The following LAMA2 variants were observed in gnomAD, a reference collection of about 807,000 sequenced individuals.
LAMA2 encodes the protein laminin subunit alpha-2.
LAMA2 carries 269 observed loss-of-function variants against 364.8 expected under a neutral mutation model. The ratio of observed to expected loss-of-function variants is 0.74; its 90% CI spans 0.67 to 0.82. The LOEUF (loss-of-function observed/expected upper bound fraction) is 0.82. LAMA2 is among the 40% of genes least tolerant of loss of function. LAMA2 has a pLI of 0.00. For synonymous variants in LAMA2, 1,379 were observed against 1,370.6 expected, an observed-to-expected ratio of 1.01 and a Z score of -0.14; for missense variants, 3,807 against 3,873.2, an observed-to-expected ratio of 0.98 and a Z score of 0.45.
At chr6:129,357,233 C>T (rs2114601676) in intron 32 of LAMA2, among the ~76,000 whole-genome samples, 2 of 152,106 alleles carry the variant, frequency 1.3e-5, no homozygotes, top group South Asian at 4.1e-4. Flanking sequence ...TGGATTTGTT[C>T]ATATCCTATT....
chr6:129,338,476 A>C (rs1383147283), intron 29 of LAMA2, among the ~76,000 whole-genome samples: 3 of 152,208 alleles, frequency 2.0e-5, no homozygotes, highest in African/African-American at 7.2e-5. Context: ...TATTGCTTAA[A>C]AATGGTGGTT....
chr6:129,355,022 A>C (rs982672426), intron 32 of LAMA2, among the ~76,000 whole-genome samples: 3 of 152,208 alleles, frequency 2.0e-5, no homozygotes, highest in Non-Finnish European at 1.5e-5. Flanking sequence ...ATGTATTTAC[A>C]GGGGTTATAC....
chr6:128,984,162 G>A (rs573207833), intron 1 of LAMA2, among the ~76,000 whole-genome samples: 1 of 151,946 alleles, frequency 6.6e-6, no homozygotes, highest in African/African-American at 2.4e-5. Context: ...AGTCATTCTT[G>A]TTTCCCCATG....
rs1157467982 is a variant in LAMA2, at chr6:129,205,505, C to T, written c.1782+12652C>T. 2.9e-3 allele frequency among the ~76,000 whole-genome samples: 274 copies of T among 93,140 alleles called. 6 individuals are homozygous for T. Among genetic ancestry groups the T allele is most frequent in the African/African-American group, 0.017 (170 of 10,236 alleles). The allele number at this position is 93,140 out of a possible 152,430, so 61.1% of individuals were successfully genotyped here. A position where few individuals can be genotyped will look rare whatever the true frequency, so the allele number is the denominator to read the frequency against. On this transcript the variant is annotated intron_variant, in intron 12 of 64. Transcript: ENST00000421865. Reference sequence around the variant, plus strand: ...ATATATATATATATACACACACACACACACACACACACACACACACACACA... The same window carrying T: ...ATATATATATATATACACACACACATACACACACACACACACACACACACA...
At chr6:129,282,966 T>A (rs1215269822) in intron 18 of LAMA2, among the ~76,000 whole-genome samples, 1 of 151,664 alleles carries the variant, frequency 6.6e-6, no homozygotes. Flanking sequence ...ATCGAGGGGG[T>A]GAAGAGAAAC....
At chr6:129,323,142 T>C (rs942053232) in intron 28 of LAMA2, among the ~76,000 whole-genome samples, 3 of 152,182 alleles carry the variant, frequency 2.0e-5, no homozygotes, top group Middle Eastern at 3.2e-3. Flanking sequence ...ATACCTCTTA[T>C]TTATAATTCA....
chr6:128,936,182 T>A (rs1779799833), intron 1 of LAMA2, among the ~76,000 whole-genome samples: 1 of 152,238 alleles, frequency 6.6e-6, no homozygotes, highest in South Asian at 2.1e-4. Context: ...AACTTTTTCC[T>A]TTATAAATCA....
At chr6:129,087,166 A>G (rs1383459105) in intron 3 of LAMA2, among the ~76,000 whole-genome samples, 1 of 152,200 alleles carries the variant, frequency 6.6e-6, no homozygotes. Flanking sequence ...AGAATTAAAT[A>G]TAGACGTCTT....
intron 17 of LAMA2, among the ~76,000 whole-genome samples, chr6:129,275,724 TAAAA>T (rs5879937): frequency 5.4e-4 from 78 of 144,550 alleles, no homozygotes; most frequent in East Asian, 4.4e-3. Flanking sequence ...TAAAAATTTG[TAAAA>T]AAAAAAAAAA....
chr6:129,099,222 A>G (rs913516662), intron 4 of LAMA2, among the ~76,000 whole-genome samples: 1 of 151,408 alleles, frequency 6.6e-6, no homozygotes, highest in African/African-American at 2.4e-5. Context: ...ATCAGGAATA[A>G]TAATAGTTCT....
Position 129,300,846 on chromosome 6 carries a change from G to A in LAMA2, c.3148G>A (p.Gly1050Ser), listed in dbSNP as rs1421480677. ...TTCTAAATGTGCACCCAATACCTGG[G>A]GCCACAGCATTACCACTGGTTGTAA... ...KCSKCAPNTW[G>S]HSITTGCKAC... Residue 1050 changes from glycine to serine, a missense_variant, in exon 22 of 65, where the codon GGC becomes AGC. Physicochemically the swap from Gly to Ser is moderately conservative, Grantham distance 56. This residue lies in a region of LAMA2 where 3,333 missense variants were observed against 3,345.7 expected (regional missense o/e 1.00). Transcript: ENST00000421865. 7 of 1,613,572 alleles carry A rather than the reference G, an allele frequency of 4.3e-6. No homozygotes were observed. The highest frequency in any genetic ancestry group is 5.1e-6 in the Non-Finnish European group (6 of 1,179,748).
intron 1 of LAMA2, among the ~76,000 whole-genome samples, chr6:129,012,601 T>C (rs888968838): frequency 1.3e-5 from 2 of 152,204 alleles, no homozygotes; most frequent in Non-Finnish European, 2.9e-5. Context: ...TTCAAGCTAA[T>C]GGATTATGCA....
chr6:128,939,998 T>G (rs569248144), intron 1 of LAMA2, among the ~76,000 whole-genome samples: 2 of 152,302 alleles, frequency 1.3e-5, no homozygotes, highest in South Asian at 4.1e-4. Context: ...AAGTTTACAG[T>G]GGTCTACCAT....
chr6:129,067,024 A>G (rs1048800071), intron 3 of LAMA2, among the ~76,000 whole-genome samples: 10 of 152,348 alleles, frequency 6.6e-5, no homozygotes, highest in African/African-American at 2.4e-4. Context: ...TTTTAAAGAT[A>G]TAAACCCCAA....
chr6:128,997,722 A>C (rs550766417), intron 1 of LAMA2, among the ~76,000 whole-genome samples: 28 of 152,140 alleles, frequency 1.8e-4, no homozygotes, highest in Non-Finnish European at 3.7e-4. Flanking sequence ...TTGAACCTGG[A>C]AGGCAGAGGC....
At chr6:129,103,640 G>A (rs1312257207) in intron 4 of LAMA2, among the ~76,000 whole-genome samples, 1 of 152,124 alleles carries the variant, frequency 6.6e-6, no homozygotes, top group African/African-American at 2.4e-5. Flanking sequence ...TTTGCCTGAT[G>A]TTTTTTCATG....
chr6:128,978,350 T>TTTC (rs2078782740), intron 1 of LAMA2, among the ~76,000 whole-genome samples: 1 of 141,120 alleles, frequency 7.1e-6, no homozygotes, highest in South Asian at 2.1e-4. Context: ...TCTTTCTTTC[T>TTTC]TTTTTTTTTT....
intron 14 of LAMA2, among the ~76,000 whole-genome samples, chr6:129,256,394 C>A (rs1786663290): frequency 6.6e-6 from 1 of 151,980 alleles, no homozygotes; most frequent in African/African-American, 2.4e-5. Flanking sequence ...TAAGTAGTAA[C>A]TATTAAAAAG....
chr6:129,032,832 A>T (rs888422424), intron 1 of LAMA2, among the ~76,000 whole-genome samples: 2 of 152,194 alleles, frequency 1.3e-5, no homozygotes, highest in African/African-American at 4.8e-5. Context: ...ATGCAATGGC[A>T]TCAATAACGA....
Sources: allele counts gnomAD v4.1 joint callset (sites outside exome capture counted in the v4.1 genomes callset), GRCh38; gene constraint gnomAD v4.1.1; regional missense constraint gnomAD v4.1.1; transcripts MANE v1.5; gene names NCBI Gene and HGNC (gene_info 2026-07-23, HGNC 2026-07-21).